SYNDIG1L: variants seen among roughly 807,000 people sequenced by gnomAD.
SYNDIG1L encodes the protein synapse differentiation inducing 1 like.
A neutral mutation model predicts 20.1 loss-of-function variants in SYNDIG1L; 13 were observed. The observed-to-expected ratio is 0.65, with a 90% confidence interval of 0.42 to 1.03. The LOEUF is 1.03. Ranked by LOEUF, SYNDIG1L falls within the 50% of genes least tolerant of loss-of-function variation. SYNDIG1L has a pLI of 0.00. For synonymous variants in SYNDIG1L, 128 were observed against 129.3 expected, an observed-to-expected ratio of 0.99 and a Z score of 0.07; for missense variants, 294 against 305.1, an observed-to-expected ratio of 0.96 and a Z score of 0.27.
chr14:74,433,531 G>A, the SYNDIG1L span, among the ~76,000 whole-genome samples: 3 of 151,950 alleles, frequency 2.0e-5, no homozygotes, highest in South Asian at 6.2e-4. Flanking sequence ...TTATAGGCAC[G>A]CACCCACCAC....
chr14:74,480,007 CA>C, the SYNDIG1L span: 3 of 1,429,376 alleles, frequency 2.1e-6, no homozygotes, highest in Non-Finnish European at 2.7e-6. Context: ...AAAGAGGCCA[CA>C]AGTTAATGTT....
intron 1 of SYNDIG1L, among the ~76,000 whole-genome samples, chr14:74,413,010 C>T (rs540492907): frequency 2.7e-4 from 41 of 152,296 alleles, no homozygotes; most frequent in African/African-American, 6.5e-4. Context: ...CCCTGCCCTA[C>T]GCTCTGTCTC....
chr14:74,407,115 C>T lies in SYNDIG1L; in HGVS notation c.*420G>A, dbSNP rs551909757. 275 of 204,582 alleles carry T rather than the reference C, an allele frequency of 1.3e-3. 1 individual carries two copies. The highest frequency in any genetic ancestry group is 1.4e-3 in the Non-Finnish European group (143 of 100,576). The allele number at this position is 204,582 out of a possible 1,614,324, so 12.7% of individuals were successfully genotyped here. A position where few individuals can be genotyped will look rare whatever the true frequency, so the allele number is the denominator to read the frequency against. ...TCCCTGTGGGCTGAAAGGATTGGGA[C>T]GGGTCCCCTTGTGCTCTGGGCACCC... On this transcript the variant is annotated 3_prime_UTR_variant, in exon 4 of 4. Transcript: ENST00000331628.
chr14:74,446,586 T>G, the SYNDIG1L span, among the ~76,000 whole-genome samples: 1 of 150,504 alleles, frequency 6.6e-6, no homozygotes, highest in East Asian at 1.9e-4. Context: ...TCAAACTAGA[T>G]TAAAAAACAA....
At position 74,407,916 on chromosome 14, in the gene SYNDIG1L, A is replaced by G. The variant is rs1207647776; in HGVS notation, c.491T>C (p.Leu164Pro). ...LTLPPRDHLG[L>P]TLFSMLCCFW... ...GCAGCAGAGCATGGAGAAGAGAGTAAGTCCCAGGTGGTCCCTGGGAGGCAG... is the reference window on the plus strand; with the variant it reads ...GCAGCAGAGCATGGAGAAGAGAGTAGGTCCCAGGTGGTCCCTGGGAGGCAG... Residue 164 changes from leucine to proline, a missense_variant, in exon 3 of 4, where the codon CTT (leucine) becomes CCT (proline). Transcript: ENST00000331628. 1 of 1,613,742 alleles carries G rather than the reference A, an allele frequency of 6.2e-7. No homozygotes were observed. Among genetic ancestry groups the G allele is most frequent in the African/African-American group, 1.3e-5 (1 of 74,870 alleles).
chr14:74,479,976 A>G, the SYNDIG1L span: 1 of 1,357,420 alleles, frequency 7.4e-7, no homozygotes, highest in South Asian at 1.5e-5. Flanking sequence ...TATTTATTCA[A>G]GAGTAAATTT....
At chr14:74,441,566 C>T in the SYNDIG1L span, among the ~76,000 whole-genome samples, 36 of 152,078 alleles carry the variant, frequency 2.4e-4, no homozygotes, top group African/African-American at 8.0e-4. Flanking sequence ...AGTGCAGTGG[C>T]ACCTTTTTAG....
the SYNDIG1L span, among the ~76,000 whole-genome samples, chr14:74,440,821 C>A: frequency 6.6e-6 from 1 of 152,048 alleles, no homozygotes; most frequent in Non-Finnish European, 1.5e-5. Flanking sequence ...TTTCTAATTA[C>A]TAGGCTTTAA....
At chr14:74,418,116 A>T (rs2086191719) in intron 1 of SYNDIG1L, among the ~76,000 whole-genome samples, 1 of 152,242 alleles carries the variant, frequency 6.6e-6, no homozygotes, top group Admixed American at 6.5e-5. Context: ...TTCTAATCAG[A>T]TCATGTATAA....
intron 1 of SYNDIG1L, among the ~76,000 whole-genome samples, chr14:74,423,258 C>A (rs1414322401): frequency 6.6e-6 from 1 of 152,152 alleles, no homozygotes; most frequent in Non-Finnish European, 1.5e-5. Context: ...TGCCCTGCAC[C>A]CTGACAGCTC....
At chr14:74,437,835 C>T in the SYNDIG1L span, among the ~76,000 whole-genome samples, 3 of 152,132 alleles carry the variant, frequency 2.0e-5, no homozygotes, top group Non-Finnish European at 2.9e-5. Flanking sequence ...TTGGCAGCCG[C>T]TCAGGGGCTG....
chr14:74,433,512 TAGCTG>T, the SYNDIG1L span, among the ~76,000 whole-genome samples: 2 of 152,016 alleles, frequency 1.3e-5, no homozygotes, highest in African/African-American at 4.8e-5. Flanking sequence ...GCCTCTCAAG[TAGCTG>T]AGATTATAGG....
the SYNDIG1L span, among the ~76,000 whole-genome samples, chr14:74,452,061 G>A: frequency 2.7e-5 from 4 of 150,370 alleles, no homozygotes; most frequent in Non-Finnish European, 4.4e-5. Flanking sequence ...TTTTTTAAAT[G>A]GGCAAAAGAC....
chr14:74,457,511 G>T, the SYNDIG1L span, among the ~76,000 whole-genome samples: 5 of 151,880 alleles, frequency 3.3e-5, no homozygotes, highest in Non-Finnish European at 7.4e-5. Flanking sequence ...CTCCAGAGAT[G>T]CTGCCATCCA....
the SYNDIG1L span, among the ~76,000 whole-genome samples, chr14:74,458,605 G>C: frequency 2.2e-5 from 3 of 133,936 alleles, no homozygotes; most frequent in South Asian, 2.4e-4. Flanking sequence ...CCAGGTGACA[G>C]AGCAAGACTC....
chr14:74,452,178 A>G, the SYNDIG1L span, among the ~76,000 whole-genome samples: 1 of 152,178 alleles, frequency 6.6e-6, no homozygotes, highest in Non-Finnish European at 1.5e-5. Context: ...ACAATGAGAT[A>G]CCACTATATT....
At chr14:74,446,049 T>C in the SYNDIG1L span, among the ~76,000 whole-genome samples, 25 of 152,144 alleles carry the variant, frequency 1.6e-4, no homozygotes, top group African/African-American at 6.0e-4. Context: ...ATTAAACAAA[T>C]CTTCCATGGA....
chr14:74,424,789 A>C (rs1424586719), intron 1 of SYNDIG1L, among the ~76,000 whole-genome samples: 1 of 152,052 alleles, frequency 6.6e-6, no homozygotes, highest in African/African-American at 2.4e-5. Flanking sequence ...TGGTATGGAG[A>C]TGTACAGGTG....
chr14:74,466,888 C>T, the SYNDIG1L span, among the ~76,000 whole-genome samples: 7 of 152,250 alleles, frequency 4.6e-5, no homozygotes, highest in African/African-American at 7.2e-5. Flanking sequence ...GCTCCAGGGG[C>T]GACACCAGAA....
Sources: allele counts gnomAD v4.1 joint callset (sites outside exome capture counted in the v4.1 genomes callset), GRCh38; gene constraint gnomAD v4.1.1; transcripts MANE v1.5; gene names NCBI Gene and HGNC (gene_info 2026-07-23, HGNC 2026-07-21).